The following KRT80 variants were observed in gnomAD, a reference collection of about 807,000 sequenced individuals.
KRT80 encodes keratin 80, also known as keratin, type II cytoskeletal 80.
A neutral mutation model predicts 51.5 loss-of-function variants in KRT80; 36 were observed. The ratio of observed to expected loss-of-function variants is 0.70; its 90% CI spans 0.54 to 0.92. The LOEUF is 0.92. KRT80 is among the 40% of genes least tolerant of loss of function. The pLI is 0.00. For missense variants in KRT80, 566 were observed against 591.7 expected, an observed-to-expected ratio of 0.96 and a Z score of 0.45; for synonymous variants, 235 against 248.3, an observed-to-expected ratio of 0.95 and a Z score of 0.50.
Position 52,172,405 on chromosome 12 carries a change from T to C in KRT80, c.971A>G (p.Glu324Gly), listed in dbSNP as rs1321409073. The change falls in exon 7 of 9, where the codon GAG becomes GGG. Residue 324 changes from glutamate to glycine, a missense_variant. Glu to Gly is a moderately conservative substitution (Grantham distance 98, BLOSUM62 -2). Transcript: ENST00000394815. ...LSVKSHCLKLEENIKTAEEQG... is the reference protein window; with the variant it reads ...LSVKSHCLKLGENIKTAEEQG... ...CTCCTCAGCTGTCTTGATGTTCTCCTCCAGTTTCAGGCACTGCAGCCAGGA... is the reference window on the plus strand; with the variant it reads ...CTCCTCAGCTGTCTTGATGTTCTCCCCCAGTTTCAGGCACTGCAGCCAGGA... The C allele has an allele frequency of 1.2e-6, 2 of 1,612,304 alleles. No homozygotes were observed. Among genetic ancestry groups the C allele is most frequent in the Admixed American group, 1.7e-5 (1 of 59,972 alleles).
intron 2 of KRT80, among the ~76,000 whole-genome samples, chr12:52,184,237 G>GTTCA (rs556739326): frequency 2.0e-5 from 3 of 152,266 alleles, no homozygotes; most frequent in Admixed American, 6.5e-5. Flanking sequence ...GAGACCAAGG[G>GTTCA]TTCAGCCTGC....
chr12:52,173,176 G>A lies in KRT80; in HGVS notation c.832-13C>T. The A allele has an allele frequency of 6.2e-7, 1 of 1,601,252 alleles. No individual in the cohort carries two copies. The highest frequency in any genetic ancestry group is 8.5e-7 in the Non-Finnish European group (1 of 1,173,902). On this transcript the variant is annotated splice_polypyrimidine_tract_variant and intron_variant, in intron 5 of 8. Coordinates refer to ENST00000394815, the MANE Select transcript of KRT80 (RefSeq NM_182507.3). ...CCTGCTCCTCCAGCTGGAGGTACAT[G>A]GAGGTCTCAGTGAGGGGCAGCTCAG...
chr12:52,174,993 G>T (rs2120882695), intron 4 of KRT80, among the ~76,000 whole-genome samples: 1 of 152,284 alleles, frequency 6.6e-6, no homozygotes, highest in Non-Finnish European at 1.5e-5. Flanking sequence ...CAGGGAGGGG[G>T]CCAGGCAGGA....
chr12:52,175,356 C>T (rs956106506), intron 4 of KRT80, among the ~76,000 whole-genome samples: 13 of 152,100 alleles, frequency 8.5e-5, no homozygotes, highest in Non-Finnish European at 1.0e-4. Flanking sequence ...GAAAACTGGC[C>T]GGTGCACCCG....
At chr12:52,185,300 G>C in intron 2 of KRT80, 79 bp downstream of exon 2, 2 of 1,356,932 alleles carry the variant, frequency 1.5e-6, no homozygotes, top group African/African-American at 2.9e-5. Flanking sequence ...TCTTTCTCTG[G>C]CTTAAGTGCC....
chr12:52,171,692 A>C lies in KRT80; in HGVS notation c.1200T>G (p.Thr400=). 8.6e-7 allele frequency: 1 copy of C among 1,164,156 alleles called. No individual in the cohort carries two copies. The highest frequency in any genetic ancestry group is 1.3e-5 in the South Asian group (1 of 75,540). The allele number at this position is 1,164,156 out of a possible 1,614,324, so 72.1% of individuals were successfully genotyped here. The change falls in exon 8 of 9, where the codon ACT becomes ACG. Residue 400 remains threonine (T), a synonymous_variant. Coordinates refer to ENST00000394815, the MANE Select transcript of KRT80 (RefSeq NM_182507.3). ...ACCTGGACTGCACAGCGCTGACCACAGTGGCTGAGGGCGAGTCCATCCTGG... is the reference window on the plus strand; with the variant it reads ...ACCTGGACTGCACAGCGCTGACCACCGTGGCTGAGGGCGAGTCCATCCTGG... ...EEGRMDSPSA[T]VVSAVQSRCK... is the part of the protein sequence containing the mutation.
rs1338668616 is a variant in KRT80 at position 52,169,187 on chromosome 12, C to T, written c.*2211G>A. On this transcript the variant is annotated 3_prime_UTR_variant, in exon 9 of 9. Transcript: ENST00000394815. ...CTCAGACTCTTTTAAACAACCATAT[C>T]TATGTGAATTGAGTGAGAACTCACT... 6.6e-6 allele frequency: 1 copy of T among 152,122 alleles called. No individual in the cohort carries two copies. The highest frequency in any genetic ancestry group is 1.9e-4 in the East Asian group (1 of 5,200). The allele number at this position is 152,122 out of a possible 1,614,324, so 9.4% of individuals were successfully genotyped here. A position where few individuals can be genotyped will look rare whatever the true frequency, so the allele number is the denominator to read the frequency against.
Position 52,185,474 on chromosome 12 carries a change from C to T in KRT80, c.414G>A (p.Arg138=), listed in dbSNP as rs776005046. 6.2e-7 allele frequency: 1 copy of T among 1,614,042 alleles called. No individual in the cohort carries two copies. The highest frequency in any genetic ancestry group is 8.5e-7 in the Non-Finnish European group (1 of 1,180,020). The change falls in exon 2 of 9, where the codon CGG becomes CGA. Residue 138 remains arginine, a synonymous_variant. Coordinates refer to ENST00000394815, the MANE Select transcript of KRT80 (RefSeq NM_182507.3). ...TCACTTTGCGCAGTTCCTCCTGCAGCCGGCCCTGATATTCCTCATAGAGAT... is the reference window on the plus strand; with the variant it reads ...TCACTTTGCGCAGTTCCTCCTGCAGTCGGCCCTGATATTCCTCATAGAGAT... The part of the protein sequence containing the change: ...LGHLYEEYQG[R]LQEELRKVSQ...
At chr12:52,189,912 C>T (rs1315401036) in intron 1 of KRT80, among the ~76,000 whole-genome samples, 2 of 152,248 alleles carry the variant, frequency 1.3e-5, no homozygotes, top group East Asian at 3.8e-4. Flanking sequence ...AGGGTGATAT[C>T]AGTGCTGGCG....
At position 52,171,525 on chromosome 12, in the gene KRT80, A is replaced by C; in HGVS notation, c.1235-3T>G. Reference sequence around the variant, plus strand: ...GGAGAGGCCTGATCTGGAGGCAGCTACAGGGAACATAAGGGGTAGGGGAGG... The same window carrying C: ...GGAGAGGCCTGATCTGGAGGCAGCTCCAGGGAACATAAGGGGTAGGGGAGG... On this transcript the variant is annotated splice_polypyrimidine_tract_variant and splice_region_variant and intron_variant, in intron 8 of 8. Transcript: ENST00000394815. 1 of 1,613,742 alleles carries C rather than the reference A, an allele frequency of 6.2e-7. No individual in the cohort carries two copies. The highest frequency in any genetic ancestry group is 8.5e-7 in the Non-Finnish European group (1 of 1,179,818).
chr12:52,176,482 CTTT>C (rs11355892), intron 4 of KRT80, among the ~76,000 whole-genome samples: 16 of 140,598 alleles, frequency 1.1e-4, no homozygotes, highest in Non-Finnish European at 2.0e-4. Context: ...TCTTCTTCTT[CTTT>C]TTTTTTTTTT....
chr12:52,191,340 C>A (rs1313777605), intron 1 of KRT80, among the ~76,000 whole-genome samples: 1 of 152,164 alleles, frequency 6.6e-6, no homozygotes, highest in Admixed American at 6.5e-5. Context: ...TGGTGGGTGA[C>A]CCCAGGTCAT....
intron 1 of KRT80, among the ~76,000 whole-genome samples, chr12:52,189,487 C>T (rs1475991255): frequency 1.3e-5 from 2 of 152,264 alleles, no homozygotes; most frequent in Non-Finnish European, 2.9e-5. Flanking sequence ...TGTGCTGAGG[C>T]ACAGAGAGGT....
intron 1 of KRT80, 45 bp from the exon 2 acceptor site, chr12:52,185,632 C>G: frequency 6.3e-7 from 1 of 1,584,564 alleles, no homozygotes; most frequent in Non-Finnish European, 8.5e-7. Context: ...GTGGACCAGT[C>G]GGGGGCTGAG....
Position 52,172,295 on chromosome 12 carries a change from G to T in KRT80, c.1081C>A (p.Arg361=), listed in dbSNP as rs777330512. Residue 361 remains arginine, a synonymous_variant, in exon 7 of 9, where the codon CGG becomes AGG. Coordinates refer to ENST00000394815, the MANE Select transcript of KRT80 (RefSeq NM_182507.3). ...AGCTCCTGGTACTTGCGCAGCTGCC[G>T]CGCCATGTCCTGCTTGGCCTGCTGC... The part of the protein sequence containing the change: ...ALQQAKQDMA[R]QLRKYQELMN... 1.9e-6 allele frequency: 3 copies of T among 1,613,932 alleles called. No homozygotes were observed. In the South Asian group the frequency reaches 3.3e-5, roughly 18 times the overall value.
At chr12:52,190,165 C>A (rs1444269836) in intron 1 of KRT80, among the ~76,000 whole-genome samples, 1 of 152,146 alleles carries the variant, frequency 6.6e-6, no homozygotes, top group Non-Finnish European at 1.5e-5. Context: ...CCCAGGGGTA[C>A]CCCAGGTGTG....
At position 52,191,589 on chromosome 12, in the gene KRT80, C is replaced by T. The variant is rs1290527641; in HGVS notation, c.300+14G>A. 6.4e-7 allele frequency: 1 copy of T among 1,563,744 alleles called. No homozygotes were observed. Among genetic ancestry groups the T allele is most frequent in the Middle Eastern group, 1.7e-4 (1 of 5,838 alleles). On this transcript the variant is annotated intron_variant, in intron 1 of 8. Coordinates refer to ENST00000394815, the MANE Select transcript of KRT80 (RefSeq NM_182507.3). The stretch of plus-strand genomic sequence containing the variant: ...GGCAGCCCTTCATGTTTGGGACCCC[C>T]TACTTGTGCTCACCTTGCCAATTAG...
chr12:52,172,966 G>A (rs989169917), intron 6 of KRT80, 72 bp downstream of exon 6: 2 of 1,519,046 alleles, frequency 1.3e-6, no homozygotes, highest in Non-Finnish European at 1.8e-6. Context: ...TGTCTTGCCT[G>A]TATTCAGCAC....
chr12:52,188,608 CA>C (rs2120946947), intron 1 of KRT80, among the ~76,000 whole-genome samples: 1 of 152,328 alleles, frequency 6.6e-6, no homozygotes, highest in East Asian at 1.9e-4. Context: ...TTTCTGCATA[CA>C]GGCAGGGGGA....
Sources: allele counts gnomAD v4.1 joint callset (sites outside exome capture counted in the v4.1 genomes callset), GRCh38; gene constraint gnomAD v4.1.1; transcripts MANE v1.5; gene names NCBI Gene and HGNC (gene_info 2026-07-23, HGNC 2026-07-21).